The following IL1RAPL2 variants were observed in gnomAD, a reference collection of about 807,000 sequenced individuals.
IL1RAPL2 encodes X-linked interleukin-1 receptor accessory protein-like 2.
A neutral mutation model predicts 44.1 loss-of-function variants in IL1RAPL2; 3 were observed. The ratio of observed to expected loss-of-function variants is 0.07; its 90% confidence interval spans 0.03 to 0.18. The LOEUF is 0.18. Ranked by LOEUF, IL1RAPL2 falls within the 10% of genes least tolerant of loss-of-function variation. The pLI is 1.00. For synonymous variants in IL1RAPL2, 181 were observed against 178.8 expected (o/e 1.01, Z -0.10); for missense variants, 391 against 496.4 (o/e 0.79, Z 2.02).
In IL1RAPL2 at chrX:105,757,007, G is replaced by C. The variant is rs781704560; in HGVS notation, c.1363+1660G>C. ...CCACTAATATCAAGTACATCTCCTC[G>C]ATCATGTCACTTCTGTGTTCAACAA... On this transcript the variant is annotated intron_variant, in intron 10 of 10. Transcript: ENST00000372582. 5.4e-5 allele frequency among the ~76,000 whole-genome samples: 6 copies of C among 110,812 alleles called. No individual in the cohort carries two copies. The South Asian group carries it at 2.3e-3, about 42-fold the overall frequency.
chrX:104,922,532 C>A (rs952352256), intron 2 of IL1RAPL2, among the ~76,000 whole-genome samples: 1 of 112,376 alleles, frequency 8.9e-6, no homozygotes, highest in African/African-American at 3.2e-5. Context: ...TAGAAAACCA[C>A]TACAGTAAGG....
At chrX:105,281,131 G>C (rs1436333224) in intron 5 of IL1RAPL2, among the ~76,000 whole-genome samples, 1 of 111,483 alleles carries the variant, frequency 9.0e-6, no homozygotes, top group Non-Finnish European at 1.9e-5. Flanking sequence ...CAGGGACATG[G>C]ATGAAGCTGG....
intron 5 of IL1RAPL2, among the ~76,000 whole-genome samples, chrX:105,400,565 T>C (rs1485229588): frequency 9.0e-6 from 1 of 111,555 alleles, no homozygotes; most frequent in Non-Finnish European, 1.9e-5. Flanking sequence ...TGAAACTTGA[T>C]ATAAACCAAA....
intron 6 of IL1RAPL2, among the ~76,000 whole-genome samples, chrX:105,631,748 G>T (rs1258668236): frequency 1.8e-5 from 2 of 111,989 alleles, no homozygotes; most frequent in East Asian, 5.7e-4. Context: ...GGAGTGATAG[G>T]AAAGAATTCA....
intron 2 of IL1RAPL2, among the ~76,000 whole-genome samples, chrX:104,988,095 G>A (rs1569356508): frequency 8.9e-6 from 1 of 112,121 alleles, no homozygotes. Context: ...AGTTTCCATA[G>A]TTTTGGCTTT....
At chrX:104,766,368 G>GGCCT (rs3081246) in intron 2 of IL1RAPL2, among the ~76,000 whole-genome samples, 236 of 60,301 alleles carry the variant, frequency 3.9e-3, no homozygotes, top group East Asian at 0.029. Flanking sequence ...ATTCCTGGCT[G>GGCCT]GCCTGCCTGC....
chrX:105,196,555 C>A (rs1415932992), intron 3 of IL1RAPL2, among the ~76,000 whole-genome samples: 1 of 111,727 alleles, frequency 9.0e-6, no homozygotes, highest in Non-Finnish European at 1.9e-5. Context: ...TTTGAGTCCA[C>A]TGTGTCTAAA....
In IL1RAPL2 at chrX:104,763,310, A is replaced by G. The variant is rs111742576; in HGVS notation, c.82+104315A>G. 6.8e-3 allele frequency among the ~76,000 whole-genome samples: 765 copies of G among 112,096 alleles called. 9 individuals are homozygous for G. Among genetic ancestry groups the G allele is most frequent in the Middle Eastern group, 0.037 (8 of 214 alleles). On this transcript the variant is annotated intron_variant, in intron 2 of 10. Coordinates refer to ENST00000372582, the MANE Select transcript of IL1RAPL2 (RefSeq NM_017416.2). ...CCTGGACTTCAATGTCCATATCACT[A>G]TCAACATTTTGTTCGAAACCATTCA...
At chrX:104,848,166 C>T (rs1045551712) in intron 2 of IL1RAPL2, among the ~76,000 whole-genome samples, 11 of 109,706 alleles carry the variant, frequency 1.0e-4, no homozygotes, top group South Asian at 7.8e-4. Flanking sequence ...TCCTCTTTTC[C>T]TAATTGAATA....
At chrX:105,349,001 A>G (rs996289965) in intron 5 of IL1RAPL2, among the ~76,000 whole-genome samples, 2 of 112,435 alleles carry the variant, frequency 1.8e-5, no homozygotes, top group African/African-American at 6.5e-5. Context: ...TTATTCAAAA[A>G]GACTATAAAC....
At chrX:105,384,399 G>A (rs2035461172) in intron 5 of IL1RAPL2, among the ~76,000 whole-genome samples, 1 of 111,405 alleles carries the variant, frequency 9.0e-6, no homozygotes, top group South Asian at 3.7e-4. Context: ...TGGTGCCTTT[G>A]TTTGAAATAA....
chrX:105,680,893 G>A (rs1029114213), intron 6 of IL1RAPL2, among the ~76,000 whole-genome samples: 6 of 111,683 alleles, frequency 5.4e-5, no homozygotes, highest in Non-Finnish European at 1.1e-4. Flanking sequence ...AGCAGCCTTC[G>A]GAAATGAGGA....
At chrX:105,320,211 A>G (rs1369815105) in intron 5 of IL1RAPL2, among the ~76,000 whole-genome samples, 1 of 111,820 alleles carries the variant, frequency 8.9e-6, no homozygotes, top group East Asian at 2.8e-4. Context: ...AGAACTGGGA[A>G]CAGAACTCTT....
In IL1RAPL2 at chrX:105,767,560, C is replaced by A. The variant is rs749463890; in HGVS notation, c.1960C>A (p.Pro654Thr). ...LPLTLLNGQL[P>T]LNNTLKDTQE... ...TCTGACGCTACTCAACGGACAGCTA[C>A]CCCTTAATAACACCCTGAAAGATAC... The change falls in exon 11 of 11, where the codon CCC becomes ACC. Residue 654 changes from proline (P) to threonine (T), a missense_variant. By Grantham distance (38) the Pro-to-Thr change is conservative. This residue lies in a region of IL1RAPL2 where 232 missense variants were observed against 244.8 expected (regional missense o/e 0.95). Transcript: ENST00000372582. 1.2e-5 allele frequency: 14 copies of A among 1,210,108 alleles called. No individual in the cohort carries two copies. Among genetic ancestry groups the A allele is most frequent in the Non-Finnish European group, 1.0e-5 (9 of 894,071 alleles).
chrX:104,640,935 G>A (rs556027291), intron 1 of IL1RAPL2, among the ~76,000 whole-genome samples: 2 of 112,312 alleles, frequency 1.8e-5, no homozygotes, highest in East Asian at 2.8e-4. Flanking sequence ...GTGTATGCTG[G>A]CATCTGTGTT....
At chrX:104,653,877 G>A (rs1299056358) in intron 1 of IL1RAPL2, among the ~76,000 whole-genome samples, 1 of 110,955 alleles carries the variant, frequency 9.0e-6, no homozygotes. Context: ...GATTGCTGTA[G>A]TTTCACCCTC....
intron 2 of IL1RAPL2, among the ~76,000 whole-genome samples, chrX:104,674,354 AATC>A (rs1930692376): frequency 8.9e-6 from 1 of 112,029 alleles, no homozygotes; most frequent in African/African-American, 3.3e-5. Context: ...CTATTGAGAT[AATC>A]ATGTGGTTTT....
At position 105,363,420 on chromosome X, in the gene IL1RAPL2, C is replaced by T. The variant is rs1331487091; in HGVS notation, c.697+95879C>T. On this transcript the variant is annotated intron_variant, in intron 5 of 10. Coordinates refer to ENST00000372582, the MANE Select transcript of IL1RAPL2 (RefSeq NM_017416.2). The stretch of plus-strand genomic sequence containing the variant: ...GCAATGAACAAGGGAATGCAGATAT[C>T]GCTTTGACATACTGATTACAATTTT... Among the ~76,000 whole-genome samples, 13 of 102,854 alleles carry T rather than the reference C, an allele frequency of 1.3e-4. 1 individual carries two copies. Among genetic ancestry groups the T allele is most frequent in the Middle Eastern group, 5.2e-3 (1 of 193 alleles). The allele number at this position is 102,854 out of a possible 115,157, so 89.3% of individuals were successfully genotyped here.
At chrX:105,237,949 A>G (rs1168237097) in intron 4 of IL1RAPL2, among the ~76,000 whole-genome samples, 1 of 112,404 alleles carries the variant, frequency 8.9e-6, no homozygotes, top group East Asian at 2.8e-4. Flanking sequence ...CCAGTGTGTT[A>G]AAAGAAAAAT....
Sources: gnomAD v4.1 joint callset for allele counts (sites outside exome capture counted in the v4.1 genomes callset) on GRCh38, gnomAD v4.1.1 for gene constraint, gnomAD v4.1.1 regional missense constraint, MANE v1.5 for transcripts, NCBI Gene and HGNC (gene_info 2026-07-23, HGNC 2026-07-21) for gene names.